GRK3: variants seen among roughly 807,000 people sequenced by gnomAD.
The protein encoded by GRK3 is adrenergic, beta, receptor kinase 2.
In GRK3, 54 loss-of-function variants were observed where a neutral mutation model predicts 95.7. The ratio of observed to expected loss-of-function variants is 0.56; its 90% CI spans 0.45 to 0.71. GRK3 has a LOEUF of 0.71. Ranked by LOEUF, GRK3 falls within the 30% of genes least tolerant of loss-of-function variation. The pLI is 0.00. For synonymous variants in GRK3, 281 were observed against 290.8 expected (o/e 0.97, Z 0.34); for missense variants, 649 against 851.2 (o/e 0.76, Z 2.96).
rs1217510746 is a variant in GRK3 at position 25,726,952 on chromosome 22, T to TGTGTGC, written c.*4503_*4508dup. 1.6e-4 allele frequency: 25 copies of TGTGTGC among 152,326 alleles called. No homozygotes were observed. The highest frequency in any genetic ancestry group is 5.6e-4 in the African/African-American group (22 of 39,032). 9.4% of individuals were successfully genotyped at this position (152,326 alleles called of 1,614,324 possible). On this transcript the variant is annotated 3_prime_UTR_variant, in exon 21 of 21. Coordinates refer to ENST00000324198, the MANE Select transcript of GRK3 (RefSeq NM_005160.4). ...GTGTGTGTGTGTGTGTGTGTGTGTG[T>TGTGTGC]GTGTGCACTTTGCAGCCCCCGAGGT...
chr22:25,645,487 C>CA (rs2084774366), intron 3 of GRK3, among the ~76,000 whole-genome samples: 1 of 152,190 alleles, frequency 6.6e-6, no homozygotes, highest in Non-Finnish European at 1.5e-5. Context: ...GTCACCCTTT[C>CA]AAAACACACG....
intron 2 of GRK3, among the ~76,000 whole-genome samples, chr22:25,635,039 C>G (rs1191482230): frequency 6.6e-6 from 1 of 152,130 alleles, no homozygotes; most frequent in Non-Finnish European, 1.5e-5. Flanking sequence ...AACTTGCGGC[C>G]CGCGGGCTGC....
At chr22:25,620,823 T>C (rs2084579468) in intron 2 of GRK3, among the ~76,000 whole-genome samples, 1 of 152,176 alleles carries the variant, frequency 6.6e-6, no homozygotes, top group Non-Finnish European at 1.5e-5. Context: ...AAGAAACAAT[T>C]TGAGTTGTAG....
intron 6 of GRK3, among the ~76,000 whole-genome samples, chr22:25,671,204 G>T (rs377358331): frequency 1.7e-4 from 26 of 151,918 alleles, no homozygotes; most frequent in African/African-American, 5.8e-4. Context: ...AGTCCACGTG[G>T]TGGCGGGCGC....
At chr22:25,573,607 G>A (rs1409122759) in intron 1 of GRK3, among the ~76,000 whole-genome samples, 1 of 152,164 alleles carries the variant, frequency 6.6e-6, no homozygotes, top group African/African-American at 2.4e-5. Context: ...ATATTAGGGG[G>A]TATGTTTCAT....
intron 1 of GRK3, among the ~76,000 whole-genome samples, chr22:25,597,550 C>T (rs569425549): frequency 7.2e-5 from 11 of 151,894 alleles, no homozygotes; most frequent in Non-Finnish European, 1.3e-4. Flanking sequence ...CACAGTGCGC[C>T]CCATGAATAT....
chr22:25,650,563 G>A (rs1386403510), intron 3 of GRK3, among the ~76,000 whole-genome samples: 1 of 152,130 alleles, frequency 6.6e-6, no homozygotes, highest in Non-Finnish European at 1.5e-5. Flanking sequence ...GATGAACAGA[G>A]AGAGTAAAAT....
intron 2 of GRK3, among the ~76,000 whole-genome samples, chr22:25,632,311 A>T (rs759827424): frequency 2.6e-5 from 4 of 152,126 alleles, no homozygotes; most frequent in Admixed American, 6.5e-5. Flanking sequence ...TTAATTTTTC[A>T]TGTGCTCAGT....
At chr22:25,662,434 A>G (rs144976685) in intron 4 of GRK3, among the ~76,000 whole-genome samples, 1 of 152,198 alleles carries the variant, frequency 6.6e-6, no homozygotes, top group African/African-American at 2.4e-5. Flanking sequence ...ACATGGGGCT[A>G]GTGGCTTTTG....
chr22:25,646,763 C>T (rs1224645570), intron 3 of GRK3, among the ~76,000 whole-genome samples: 4 of 152,144 alleles, frequency 2.6e-5, no homozygotes, highest in African/African-American at 9.7e-5. Flanking sequence ...TGGCTCACGC[C>T]TGTAATCCCA....
chr22:25,652,126 G>A (rs1310739775), intron 3 of GRK3, among the ~76,000 whole-genome samples: 2 of 152,132 alleles, frequency 1.3e-5, no homozygotes, highest in Non-Finnish European at 2.9e-5. Context: ...CTAAAGGGAG[G>A]TACTTTAGTC....
intron 1 of GRK3, among the ~76,000 whole-genome samples, chr22:25,579,158 T>C (rs1042604217): frequency 2.2e-4 from 31 of 142,962 alleles, no homozygotes; most frequent in African/African-American, 7.9e-4. Context: ...ACAGGAATTC[T>C]TTTTTTTTTT....
intron 6 of GRK3, among the ~76,000 whole-genome samples, chr22:25,671,320 A>G (rs1345310370): frequency 6.6e-6 from 1 of 152,272 alleles, no homozygotes; most frequent in East Asian, 1.9e-4. Flanking sequence ...AGCCTGGGCG[A>G]CAGAGTGAGA....
At chr22:25,706,257 A>G (rs1415563376) in intron 15 of GRK3, among the ~76,000 whole-genome samples, 4 of 152,162 alleles carry the variant, frequency 2.6e-5, no homozygotes, top group Admixed American at 6.5e-5. Flanking sequence ...ACCTTGCTGC[A>G]GGTGTTCTGG....
chr22:25,641,566 T>C (rs1433307408), intron 2 of GRK3, among the ~76,000 whole-genome samples: 1 of 152,018 alleles, frequency 6.6e-6, no homozygotes, highest in Non-Finnish European at 1.5e-5. Flanking sequence ...TGCTACAAAG[T>C]GTTTTGTGGT....
chr22:25,674,446 A>G lies in GRK3; in HGVS notation c.565A>G (p.Asn189Asp). Residue 189 changes from asparagine to aspartate, a missense_variant, in exon 8 of 21, where the codon AAT becomes GAT. This residue lies in a region of GRK3 where 206 missense variants were observed against 231.4 expected (regional missense o/e 0.89). Coordinates refer to ENST00000324198, the MANE Select transcript of GRK3 (RefSeq NM_005160.4). ...NVELNIHLTMNEFSVHRIIGR... is the reference protein window; with the variant it reads ...NVELNIHLTMDEFSVHRIIGR... ...TGTTTGGATTTCCCAGTTGACCATGAATGAGTTCAGTGTGCATAGGATTAT... is the reference window on the plus strand; with the variant it reads ...TGTTTGGATTTCCCAGTTGACCATGGATGAGTTCAGTGTGCATAGGATTAT... 2 of 1,613,074 alleles carry G rather than the reference A, an allele frequency of 1.2e-6. No homozygotes were observed. Among genetic ancestry groups the G allele is most frequent in the South Asian group, 2.2e-5 (2 of 90,904 alleles).
At chr22:25,605,247 CTG>C (rs2084436507) in intron 2 of GRK3, among the ~76,000 whole-genome samples, 1 of 152,212 alleles carries the variant, frequency 6.6e-6, no homozygotes, top group African/African-American at 2.4e-5. Context: ...ATTGGTCTGT[CTG>C]TGCCTGAGCA....
chr22:25,641,923 G>A (rs1289109758), intron 2 of GRK3, among the ~76,000 whole-genome samples: 1 of 152,084 alleles, frequency 6.6e-6, no homozygotes, highest in Admixed American at 6.5e-5. Context: ...AAAAGACAGT[G>A]GTCCATGTGT....
intron 2 of GRK3, among the ~76,000 whole-genome samples, chr22:25,630,817 C>T (rs577566161): frequency 1.1e-4 from 16 of 152,212 alleles, no homozygotes; most frequent in African/African-American, 3.4e-4. Flanking sequence ...TGGAAGAATA[C>T]GTATGTGTTG....
Sources: gnomAD v4.1 joint callset for allele counts (sites outside exome capture counted in the v4.1 genomes callset) on GRCh38, gnomAD v4.1.1 for gene constraint, gnomAD v4.1.1 regional missense constraint, MANE v1.5 for transcripts, NCBI Gene and HGNC (gene_info 2026-07-23, HGNC 2026-07-21) for gene names.